Variants in PPP4R4 observed in about 807,000 individuals in gnomAD.
The protein encoded by PPP4R4 is protein phosphatase 4 regulatory subunit 4, also known as serine/threonine-protein phosphatase 4 regulatory subunit 4.
In PPP4R4, 70 loss-of-function variants were observed where a neutral mutation model predicts 121.8. That is an observed-to-expected ratio of 0.57 (90% CI 0.47 to 0.70). The LOEUF is 0.70. Among genes scored for constraint, PPP4R4 ranks in the 30% least tolerant of loss-of-function variants. PPP4R4 has a pLI of 0.00. For missense variants in PPP4R4, 875 were observed against 1,033.6 expected, an observed-to-expected ratio of 0.85 and a Z score of 2.10; for synonymous variants, 348 against 355.7, an observed-to-expected ratio of 0.98 and a Z score of 0.24.
intron 3 of PPP4R4, chr14:94,227,923 A>T: frequency 6.2e-6 from 6 of 962,162 alleles, no homozygotes; most frequent in Non-Finnish European, 7.4e-6. Context: ...GTGTGGAAGA[A>T]ATGTTTCTTT....
At chr14:94,250,109 G>A (rs1308109201) in intron 14 of PPP4R4, 63 bp from the exon 15 acceptor site, 5 of 1,078,706 alleles carry the variant, frequency 4.6e-6, no homozygotes, top group African/African-American at 3.1e-5. Context: ...TGATTTGGTG[G>A]GGTCAAATTA....
chr14:94,255,891 A>G (rs1413597260), intron 16 of PPP4R4, among the ~76,000 whole-genome samples: 2 of 152,116 alleles, frequency 1.3e-5, no homozygotes, highest in Admixed American at 6.6e-5. Context: ...AAAGCCTCTT[A>G]TTTACCACTC....
At chr14:94,195,496 T>G (rs1011337476) in intron 2 of PPP4R4, among the ~76,000 whole-genome samples, 2 of 152,214 alleles carry the variant, frequency 1.3e-5, no homozygotes, top group Non-Finnish European at 2.9e-5. Context: ...GTAATTAATG[T>G]TGGTGGTTTC....
At chr14:94,224,318 C>T (rs76265730) in intron 3 of PPP4R4, among the ~76,000 whole-genome samples, 2,921 of 151,962 alleles carry the variant, frequency 0.019, 88 homozygotes, top group African/African-American at 0.066. Flanking sequence ...ACTGTAAAGT[C>T]GAAAATGAAT....
At chr14:94,233,542 C>A in intron 5 of PPP4R4, 111 bp from the exon 6 acceptor site, 1 of 652,782 alleles carries the variant, frequency 1.5e-6, no homozygotes, top group Middle Eastern at 2.9e-4. Flanking sequence ...AATCGTAATT[C>A]AGGTTCTTTA....
At chr14:94,201,897 C>CA (rs1890202141) in intron 2 of PPP4R4, among the ~76,000 whole-genome samples, 1 of 150,296 alleles carries the variant, frequency 6.7e-6, no homozygotes, top group Admixed American at 6.6e-5. Context: ...GCCCAAATGC[C>CA]CATCAGTCAA....
intron 2 of PPP4R4, among the ~76,000 whole-genome samples, chr14:94,187,748 A>G (rs1319574036): frequency 1.3e-5 from 2 of 151,292 alleles, no homozygotes; most frequent in Non-Finnish European, 2.9e-5. Flanking sequence ...ATTTTTCATG[A>G]TCTTGATAGT....
Position 94,237,731 on chromosome 14 carries a change from C to T in PPP4R4, c.853+45C>T, listed in dbSNP as rs539241464. 28 of 1,585,976 alleles carry T rather than the reference C, an allele frequency of 1.8e-5. No homozygotes were observed. The South Asian group carries it at 2.9e-4, about 17-fold the overall frequency. On this transcript the variant is annotated intron_variant, in intron 8 of 24. Coordinates refer to ENST00000304338, the MANE Select transcript of PPP4R4 (RefSeq NM_058237.2). ...CTTTGCTTCTGAAAACAGTGTTTTT[C>T]TACATGTTTTATGTCACTAATAAGG... is the stretch of plus-strand genomic sequence containing the variant.
At chr14:94,177,483 G>A (rs1375225199) in intron 2 of PPP4R4, among the ~76,000 whole-genome samples, 1 of 152,046 alleles carries the variant, frequency 6.6e-6, no homozygotes, top group African/African-American at 2.4e-5. Context: ...GTCAACATTT[G>A]CCTTTTCCCA....
intron 3 of PPP4R4, among the ~76,000 whole-genome samples, chr14:94,219,298 A>T (rs1271019783): frequency 6.6e-6 from 1 of 151,248 alleles, no homozygotes; most frequent in African/African-American, 2.4e-5. Context: ...TTGGTCTTGA[A>T]CTCCTGACCT....
intron 2 of PPP4R4, among the ~76,000 whole-genome samples, chr14:94,182,583 T>C (rs1300197499): frequency 6.6e-6 from 1 of 152,224 alleles, no homozygotes; most frequent in South Asian, 2.1e-4. Context: ...GATTTATCCA[T>C]ATTGTTGCAT....
chr14:94,268,729 G>A (rs1894167257), intron 23 of PPP4R4, among the ~76,000 whole-genome samples: 1 of 152,110 alleles, frequency 6.6e-6, no homozygotes, highest in African/African-American at 2.4e-5. Context: ...GGTGTATGTA[G>A]GGGAACTGCC....
At chr14:94,237,859 C>T (rs1892425803) in intron 8 of PPP4R4, among the ~76,000 whole-genome samples, 173 bp downstream of exon 8, 1 of 152,216 alleles carries the variant, frequency 6.6e-6, no homozygotes, top group Admixed American at 6.5e-5. Context: ...CTTTTACCCT[C>T]ATGGTGTCGT....
At chr14:94,248,067 A>G (rs112709589) in intron 14 of PPP4R4, among the ~76,000 whole-genome samples, 1 of 152,314 alleles carries the variant, frequency 6.6e-6, no homozygotes, top group Admixed American at 6.5e-5. Context: ...AGGCAGAGCA[A>G]TCAGGCAAAA....
chr14:94,211,600 T>C (rs1208609715), intron 3 of PPP4R4, among the ~76,000 whole-genome samples: 1 of 152,150 alleles, frequency 6.6e-6, no homozygotes, highest in Non-Finnish European at 1.5e-5. Flanking sequence ...ATGTTGGTTT[T>C]CATTCTTAGG....
Position 94,176,075 on chromosome 14 carries a change from T to C in PPP4R4, c.139T>C (p.Leu47=), listed in dbSNP as rs749551028. Residue 47 remains leucine, a synonymous_variant, in exon 2 of 25, where the codon TTG becomes CTG. Transcript: ENST00000304338. ...ACAGACACCGGAAGAAATAGAAAGA[T>C]TGACAGTCGATGAAGACCTCAGTGA... is the stretch of plus-strand genomic sequence containing the variant. ...SLKTPEEIER[L]TVDEDLSDIE... 7.4e-6 allele frequency: 12 copies of C among 1,612,676 alleles called. No individual in the cohort carries two copies. In the South Asian group the frequency reaches 9.9e-5, roughly 13 times the overall value.
chr14:94,268,502 A>G (rs1894157793), intron 23 of PPP4R4, among the ~76,000 whole-genome samples: 1 of 152,248 alleles, frequency 6.6e-6, no homozygotes, highest in Admixed American at 6.5e-5. Flanking sequence ...GATATGGTCC[A>G]CAGATTCTAA....
chr14:94,269,598 G>T (rs1595548513), intron 23 of PPP4R4, among the ~76,000 whole-genome samples: 2 of 151,702 alleles, frequency 1.3e-5, no homozygotes, highest in East Asian at 3.9e-4. Flanking sequence ...GGAGAATGGT[G>T]TGAACCCGGG....
At chr14:94,227,161 T>C in intron 3 of PPP4R4, 1 of 728,560 alleles carries the variant, frequency 1.4e-6, no homozygotes, top group African/African-American at 1.8e-5. Context: ...TCTTAATGTC[T>C]CATTTCATTT....
Sources: gnomAD v4.1 joint callset for allele counts (sites outside exome capture counted in the v4.1 genomes callset) on GRCh38, gnomAD v4.1.1 for gene constraint, MANE v1.5 for transcripts, NCBI Gene and HGNC (gene_info 2026-07-23, HGNC 2026-07-21) for gene names.